FCHSD2: variants seen among roughly 807,000 people sequenced by gnomAD.
FCHSD2 encodes the protein FCH and double SH3 domains 2, also known as F-BAR and double SH3 domains protein 2.
In FCHSD2, 38 loss-of-function variants were observed where a neutral mutation model predicts 108.1. That is an observed-to-expected ratio of 0.35 (90% CI 0.27 to 0.46). The LOEUF is 0.46. Among genes scored for constraint, FCHSD2 ranks in the 20% least tolerant of loss-of-function variants. FCHSD2 has a pLI of 1.00. For synonymous variants in FCHSD2, 279 were observed against 314.7 expected, an observed-to-expected ratio of 0.89 and a Z score of 1.20; for missense variants, 751 against 897.8, an observed-to-expected ratio of 0.84 and a Z score of 2.09.
chr11:72,980,867 C>T (rs1339848463), intron 8 of FCHSD2, among the ~76,000 whole-genome samples: 1 of 152,050 alleles, frequency 6.6e-6, no homozygotes, highest in Non-Finnish European at 1.5e-5. Context: ...CAGTAGTTAG[C>T]ATGCTGTAAG....
chr11:73,075,574 G>C (rs1473619868), intron 3 of FCHSD2, among the ~76,000 whole-genome samples: 3 of 152,160 alleles, frequency 2.0e-5, no homozygotes, highest in Non-Finnish European at 2.9e-5. Context: ...TAAACATGGT[G>C]GGAGGCCAAG....
intron 3 of FCHSD2, among the ~76,000 whole-genome samples, chr11:73,069,961 A>G (rs1859393507): frequency 6.6e-6 from 1 of 152,260 alleles, no homozygotes; most frequent in Non-Finnish European, 1.5e-5. Context: ...ATGAAGTAAT[A>G]GATCAAGACC....
chr11:73,088,904 T>C (rs1397691842), intron 2 of FCHSD2, among the ~76,000 whole-genome samples: 2 of 152,190 alleles, frequency 1.3e-5, no homozygotes, highest in South Asian at 4.1e-4. Context: ...TTTAAGTTTA[T>C]ACATAACTCA....
rs80196167 is a variant in FCHSD2, at chr11:72,880,445, G to A, written c.1146+7025C>T. ...ACAGAACAGACATCCCAGAAATAAT[G>A]TACTTATAGCCAACCAATTTACAAA... On this transcript the variant is annotated intron_variant, in intron 12 of 19. Coordinates refer to ENST00000409418, the MANE Select transcript of FCHSD2 (RefSeq NM_014824.3). 1.3e-3 allele frequency among the ~76,000 whole-genome samples: 205 copies of A among 152,096 alleles called. 2 individuals are homozygous for A. The East Asian group carries it at 0.033, about 24-fold the overall frequency.
At chr11:72,868,058 G>A (rs1489828304) in intron 12 of FCHSD2, 32 bp from the exon 13 acceptor site, 1 of 1,541,494 alleles carries the variant, frequency 6.5e-7, no homozygotes, top group African/African-American at 1.4e-5. Context: ...CGGAAATCAA[G>A]GCTTTTATTA....
chr11:73,044,696 G>A (rs75487611), intron 3 of FCHSD2, among the ~76,000 whole-genome samples: 3,657 of 152,214 alleles, frequency 0.024, 145 homozygotes, highest in African/African-American at 0.084. Flanking sequence ...GGCAAATGCT[G>A]GGTAAATACT....
intron 8 of FCHSD2, among the ~76,000 whole-genome samples, chr11:72,955,463 C>T (rs1009840580): frequency 1.3e-5 from 2 of 152,072 alleles, no homozygotes; most frequent in Non-Finnish European, 2.9e-5. Flanking sequence ...ATTTCATGGG[C>T]ATAATTGGTT....
At chr11:72,884,483 A>G (rs547952731) in intron 12 of FCHSD2, among the ~76,000 whole-genome samples, 7 of 149,730 alleles carry the variant, frequency 4.7e-5, no homozygotes, top group African/African-American at 1.5e-4. Flanking sequence ...AAATATATAT[A>G]TATCTGTGTG....
At position 73,104,289 on chromosome 11, in the gene FCHSD2, CAG is replaced by C. The variant is rs1860289838; in HGVS notation, c.120-20551_120-20550del. 2.0e-5 allele frequency among the ~76,000 whole-genome samples: 3 copies of C among 152,362 alleles called. No homozygotes were observed. The East Asian group carries it at 5.8e-4, about 29-fold the overall frequency. ...AACTTTACTTATTTATTTATGGAGA[CAG>C]AGTCTCACTCTGTTGCCCAGGCTGG... On this transcript the variant is annotated intron_variant, in intron 2 of 19. Transcript: ENST00000409418.
intron 8 of FCHSD2, among the ~76,000 whole-genome samples, chr11:72,971,606 C>T (rs1184224706): frequency 6.6e-6 from 1 of 152,242 alleles, no homozygotes; most frequent in East Asian, 1.9e-4. Context: ...CTGAGAATGA[C>T]CCCAGCCTAC....
intron 2 of FCHSD2, among the ~76,000 whole-genome samples, chr11:73,090,643 A>G (rs1042343988): frequency 6.6e-5 from 10 of 152,328 alleles, no homozygotes; most frequent in African/African-American, 1.7e-4. Context: ...ACATGAGACT[A>G]GCCTAACAAG....
intron 12 of FCHSD2, among the ~76,000 whole-genome samples, chr11:72,881,168 C>T (rs910641329): frequency 3.3e-5 from 5 of 152,112 alleles, no homozygotes; most frequent in Non-Finnish European, 7.4e-5. Context: ...GGAACTCAAA[C>T]AACTCAATAG....
intron 9 of FCHSD2, among the ~76,000 whole-genome samples, chr11:72,905,512 A>C (rs1379101648): frequency 6.6e-6 from 1 of 152,182 alleles, no homozygotes; most frequent in South Asian, 2.1e-4. Flanking sequence ...ACAGGTATAC[A>C]TGTGCCATGC....
intron 3 of FCHSD2, among the ~76,000 whole-genome samples, chr11:73,042,491 T>C (rs1672144459): frequency 6.6e-6 from 1 of 152,202 alleles, no homozygotes; most frequent in Admixed American, 6.5e-5. Context: ...TCAGGTACTG[T>C]GACGATTCCA....
chr11:72,859,780 T>G (rs1443466856), intron 13 of FCHSD2, among the ~76,000 whole-genome samples: 1 of 152,132 alleles, frequency 6.6e-6, no homozygotes, highest in Admixed American at 6.6e-5. Flanking sequence ...CTAGAAGCAC[T>G]AAAAAGGATT....
intron 2 of FCHSD2, among the ~76,000 whole-genome samples, chr11:73,099,791 G>A (rs968994237): frequency 6.6e-6 from 1 of 152,188 alleles, no homozygotes; most frequent in Non-Finnish European, 1.5e-5. Context: ...CAGCGGGGCT[G>A]TGGCTAGAAA....
rs1466723787 is a variant in FCHSD2 at position 73,035,694 on chromosome 11, GTTTTTATTTATT to G, written c.166-19821_166-19810del. Among the ~76,000 whole-genome samples the G allele has an allele frequency of 7.0e-3, 889 of 126,302 alleles. 6 individuals carry two copies. The highest frequency in any genetic ancestry group is 0.029 in the South Asian group (125 of 4,244). 82.9% of individuals were successfully genotyped at this position (126,302 alleles called of 152,430 possible). The stretch of plus-strand genomic sequence containing the variant: ...GTACTGAACAGTACTGAAATGTTCA[GTTTTTATTTATT>G]TATTTATTTATTTATTTATTTATTT... On this transcript the variant is annotated intron_variant, in intron 3 of 19. Coordinates refer to ENST00000409418, the MANE Select transcript of FCHSD2 (RefSeq NM_014824.3).
At chr11:73,126,210 G>A (rs1591575241) in intron 2 of FCHSD2, among the ~76,000 whole-genome samples, 1 of 151,404 alleles carries the variant, frequency 6.6e-6, no homozygotes, top group African/African-American at 2.4e-5. Flanking sequence ...CATAGTCATG[G>A]GTACCAGTAA....
chr11:72,847,150 C>T (rs1861168184), intron 14 of FCHSD2, among the ~76,000 whole-genome samples: 1 of 152,160 alleles, frequency 6.6e-6, no homozygotes, highest in South Asian at 2.1e-4. Flanking sequence ...GCATGTGCCA[C>T]CATGCTCAGC....
Sources: gnomAD v4.1 joint callset for allele counts (sites outside exome capture counted in the v4.1 genomes callset) on GRCh38, gnomAD v4.1.1 for gene constraint, MANE v1.5 for transcripts, NCBI Gene and HGNC (gene_info 2026-07-23, HGNC 2026-07-21) for gene names.